The following FLT3 variants were observed in gnomAD, a reference collection of about 807,000 sequenced individuals.
FLT3 encodes the protein fms related receptor tyrosine kinase 3, also known as receptor-type tyrosine-protein kinase FLT3.
Under a neutral mutation model 126.6 loss-of-function variants are expected in FLT3, and 46 were observed. The ratio of observed to expected loss-of-function variants is 0.36; its 90% CI spans 0.29 to 0.46. The LOEUF (loss-of-function observed/expected upper bound fraction) is 0.46, where lower values mean the gene tolerates loss of function less well. Among genes scored for constraint, FLT3 ranks in the 20% least tolerant of loss-of-function variants. FLT3 has a pLI of 1.00. For missense variants in FLT3, 1,069 were observed against 1,190.3 expected (o/e 0.90, Z 1.50); for synonymous variants, 404 against 434.4 (o/e 0.93, Z 0.87).
At chr13:28,024,994 C>A (rs1239169564) in intron 17 of FLT3, 51 bp from the exon 18 acceptor site, 1 of 995,260 alleles carries the variant, frequency 1.0e-6, no homozygotes, top group Non-Finnish European at 1.6e-6. Flanking sequence ...TCTCAGCAGA[C>A]ATTTTATTTT....
intron 4 of FLT3, among the ~76,000 whole-genome samples, chr13:28,056,296 A>G (rs1326372373): frequency 2.6e-5 from 4 of 152,128 alleles, no homozygotes; most frequent in Non-Finnish European, 5.9e-5. Flanking sequence ...CAGGCAGAAG[A>G]TCTTCAGCAA....
At chr13:28,020,553 G>T (rs1872295353) in intron 19 of FLT3, among the ~76,000 whole-genome samples, 1 of 152,014 alleles carries the variant, frequency 6.6e-6, no homozygotes, top group Non-Finnish European at 1.5e-5. Flanking sequence ...TGCCATGTTG[G>T]CCAGGCTGGT....
At chr13:28,011,740 C>CT (rs945397110) in intron 23 of FLT3, among the ~76,000 whole-genome samples, 1 of 143,082 alleles carries the variant, frequency 7.0e-6, no homozygotes, top group African/African-American at 2.5e-5. Flanking sequence ...TTTCTTCTTT[C>CT]TTTTTTTTCT....
Position 28,053,174 on chromosome 13 carries a change from T to TCACACA in FLT3, c.485-506_485-501dup, listed in dbSNP as rs10549768. 6.5e-4 allele frequency among the ~76,000 whole-genome samples: 97 copies of TCACACA among 149,278 alleles called. 1 individual carries two copies. The East Asian group carries it at 0.016, about 25-fold the overall frequency. On this transcript the variant is annotated intron_variant, in intron 4 of 23. Transcript: ENST00000241453. ...AGTTGAGCCTCCCACTCACCCTGGATCACACACACACACACACACACACCA... is the reference window on the plus strand; with the variant it reads ...AGTTGAGCCTCCCACTCACCCTGGATCACACACACACACACACACACACACACACCA...
rs35243277 is a variant in FLT3 at position 28,081,844 on chromosome 13, C to CTTTTTT, written c.44-11238_44-11233dup. ...TTACTTTGATTTTTTTACTTTGATTCTTTTTTTTTTTTTTTTTTTTTTTTT... is the reference window on the plus strand; with the variant it reads ...TTACTTTGATTTTTTTACTTTGATTCTTTTTTTTTTTTTTTTTTTTTTTTTTTTTTT... On this transcript the variant is annotated intron_variant, in intron 1 of 23. Transcript: ENST00000241453. Among the ~76,000 whole-genome samples, 53 of 64,992 alleles carry CTTTTTT rather than the reference C, an allele frequency of 8.2e-4. 7 individuals are homozygous for CTTTTTT. The highest frequency in any genetic ancestry group is 3.0e-3 in the East Asian group (4 of 1,344). The allele number at this position is 64,992 out of a possible 152,430, so 42.6% of individuals were successfully genotyped here.
chr13:28,097,255 GAAGGAAGGAAGGAAAA>G (rs1263363396), intron 1 of FLT3, among the ~76,000 whole-genome samples: 2 of 150,528 alleles, frequency 1.3e-5, no homozygotes, highest in Non-Finnish European at 3.0e-5. Flanking sequence ...AGGAAGGAAA[GAAGGAAGGAAGGAAAA>G]AAATGGGTAT....
At chr13:28,054,247 C>A (rs1875805841) in intron 4 of FLT3, among the ~76,000 whole-genome samples, 1 of 152,104 alleles carries the variant, frequency 6.6e-6, no homozygotes, top group South Asian at 2.1e-4. Flanking sequence ...ACCAAGACTT[C>A]TTAATTTTCA....
intron 5 of FLT3, among the ~76,000 whole-genome samples, chr13:28,051,831 CCACT>C (rs1566084638): frequency 6.6e-6 from 1 of 151,966 alleles, no homozygotes; most frequent in Non-Finnish European, 1.5e-5. Context: ...CAGACGTGAG[CCACT>C]GTGCCCAGCC....
chr13:28,087,406 G>A (rs1359790238), intron 1 of FLT3, among the ~76,000 whole-genome samples: 2 of 152,164 alleles, frequency 1.3e-5, no homozygotes, highest in Non-Finnish European at 2.9e-5. Context: ...ATGACAAGAA[G>A]TCTGCCAAAT....
At chr13:28,020,461 C>A (rs1195629096) in intron 19 of FLT3, among the ~76,000 whole-genome samples, 1 of 152,182 alleles carries the variant, frequency 6.6e-6, no homozygotes, top group Non-Finnish European at 1.5e-5. Context: ...GATTCTCATG[C>A]CTCAGCCTCC....
At chr13:28,082,448 C>G (rs998520828) in intron 1 of FLT3, among the ~76,000 whole-genome samples, 1 of 152,116 alleles carries the variant, frequency 6.6e-6, no homozygotes, top group Non-Finnish European at 1.5e-5. Context: ...CAGGCATGAG[C>G]CACTGTGCCT....
At chr13:28,092,035 A>T (rs1396002966) in intron 1 of FLT3, among the ~76,000 whole-genome samples, 2 of 152,160 alleles carry the variant, frequency 1.3e-5, no homozygotes, top group Non-Finnish European at 2.9e-5. Context: ...GCGCCATTGC[A>T]CTCCAGCCTG....
chr13:28,067,853 C>A (rs1186961015), intron 2 of FLT3: 4 of 299,190 alleles, frequency 1.3e-5, no homozygotes, highest in East Asian at 9.5e-5. Context: ...ATCAACAACT[C>A]ATTCTCTAGA....
At chr13:28,028,124 T>G in intron 16 of FLT3, 54 bp downstream of exon 16, 2 of 839,956 alleles carry the variant, frequency 2.4e-6, no homozygotes, top group Non-Finnish European at 4.2e-6. Context: ...AACATCCTCT[T>G]TGTCATCAAG....
chr13:28,072,557 C>T (rs1369334369), intron 1 of FLT3, among the ~76,000 whole-genome samples: 1 of 152,128 alleles, frequency 6.6e-6, no homozygotes, highest in Non-Finnish European at 1.5e-5. Flanking sequence ...CCATCATGCC[C>T]AGCTAATTTT....
intron 3 of FLT3, among the ~76,000 whole-genome samples, chr13:28,058,057 A>C (rs1437200061): frequency 6.6e-6 from 1 of 150,628 alleles, no homozygotes; most frequent in African/African-American, 2.4e-5. Context: ...AACTGAAAAA[A>C]CAACAACAAA....
chr13:28,099,709 C>T (rs1879696915), intron 1 of FLT3, among the ~76,000 whole-genome samples: 2 of 152,238 alleles, frequency 1.3e-5, no homozygotes, highest in African/African-American at 2.4e-5. Flanking sequence ...AAAGCTGACG[C>T]GAACCGATGG....
rs183571684 is a variant in FLT3 at position 28,091,650 on chromosome 13, T to C, written c.43+8818A>G. ...ATTTTAACTACTGTCTATCTGCTGG[T>C]GAGGCTGGGTGCAGTGGCTCACGCC... On this transcript the variant is annotated intron_variant, in intron 1 of 23. Coordinates refer to ENST00000241453, the MANE Select transcript of FLT3 (RefSeq NM_004119.3). Among the ~76,000 whole-genome samples the C allele has an allele frequency of 1.4e-3, 215 of 152,224 alleles. 2 individuals are homozygous for C. Among genetic ancestry groups the C allele is most frequent in the African/African-American group, 5.0e-3 (208 of 41,540 alleles).
chr13:28,040,019 T>C (rs376982238), intron 9 of FLT3, among the ~76,000 whole-genome samples: 3 of 152,326 alleles, frequency 2.0e-5, no homozygotes, highest in African/African-American at 7.2e-5. Context: ...TATATGCACC[T>C]GCTGATGGCA....
Sources: allele counts gnomAD v4.1 joint callset (sites outside exome capture counted in the v4.1 genomes callset), GRCh38; gene constraint gnomAD v4.1.1; transcripts MANE v1.5; gene names NCBI Gene and HGNC (gene_info 2026-07-23, HGNC 2026-07-21).